LAMA2: variants seen among roughly 807,000 people sequenced by gnomAD.
LAMA2 encodes laminin subunit alpha-2.
A neutral mutation model predicts 364.8 loss-of-function variants in LAMA2; 269 were observed. The observed-to-expected ratio is 0.74, with a 90% CI of 0.67 to 0.82. The LOEUF (loss-of-function observed/expected upper bound fraction) is 0.82, where lower values mean the gene tolerates loss of function less well. Among genes scored for constraint, LAMA2 ranks in the 40% least tolerant of loss-of-function variants. LAMA2 has a pLI of 0.00. For synonymous variants in LAMA2, 1,379 were observed against 1,370.6 expected (o/e 1.01, Z -0.14); for missense variants, 3,807 against 3,873.2 (o/e 0.98, Z 0.45).
In LAMA2 at chr6:128,895,392, G is replaced by A. The variant is rs1776706965; in HGVS notation, c.112+12035G>A. ...TCACGCCTGTAATCCCAGCACTTTG[G>A]GAGGCCGGGGCGGGTGGATCACGAG... On this transcript the variant is annotated intron_variant, in intron 1 of 64. Transcript: ENST00000421865. 2.0e-5 allele frequency among the ~76,000 whole-genome samples: 3 copies of A among 151,582 alleles called. No homozygotes were observed. In the South Asian group the frequency reaches 6.3e-4, roughly 32 times the overall value.
intron 1 of LAMA2, among the ~76,000 whole-genome samples, chr6:129,028,206 A>G (rs115844238): frequency 0.02 from 3,061 of 152,030 alleles, 115 homozygotes; most frequent in African/African-American, 0.07. Flanking sequence ...CACATACACT[A>G]CATACATGCT....
intron 62 of LAMA2, among the ~76,000 whole-genome samples, chr6:129,510,946 A>G (rs1272799450): frequency 2.6e-5 from 4 of 152,308 alleles, no homozygotes; most frequent in Middle Eastern, 6.8e-3. Context: ...GCTTCCCCCA[A>G]GATTTCTGCA....
At chr6:129,093,270 T>A (rs1774959533) in intron 3 of LAMA2, among the ~76,000 whole-genome samples, 3 of 146,978 alleles carry the variant, frequency 2.0e-5, no homozygotes, top group Admixed American at 6.9e-5. Flanking sequence ...ATTACAGGCG[T>A]GAGCCACCGT....
intron 3 of LAMA2, among the ~76,000 whole-genome samples, chr6:129,080,047 G>A (rs1361061020): frequency 6.6e-6 from 1 of 151,936 alleles, no homozygotes; most frequent in African/African-American, 2.4e-5. Flanking sequence ...CTTGTGTCTG[G>A]AATTACAATA....
At chr6:129,225,804 T>C (rs1784214630) in intron 12 of LAMA2, among the ~76,000 whole-genome samples, 2 of 152,226 alleles carry the variant, frequency 1.3e-5, no homozygotes. Context: ...GCAGAATGTA[T>C]ATTCTGTTGA....
chr6:129,249,414 G>A (rs1285084282), intron 12 of LAMA2, among the ~76,000 whole-genome samples: 2 of 152,096 alleles, frequency 1.3e-5, no homozygotes, highest in Non-Finnish European at 2.9e-5. Flanking sequence ...CAAGGTGACT[G>A]TCAATGTCAG....
chr6:129,085,513 A>T lies in LAMA2; in HGVS notation c.397-12660A>T, dbSNP rs1774326501. Among the ~76,000 whole-genome samples, 5 of 152,042 alleles carry T rather than the reference A, an allele frequency of 3.3e-5. No individual in the cohort carries two copies. The South Asian group carries it at 1.0e-3, about 32-fold the overall frequency. ...CTAGTTTGATTAAACTAGACACTTG[A>T]TTTTCTCCAATGGTAACATGTTTTT... On this transcript the variant is annotated intron_variant, in intron 3 of 64. Transcript: ENST00000421865.
chr6:129,510,755 G>A (rs1786508843), intron 62 of LAMA2, among the ~76,000 whole-genome samples: 1 of 152,174 alleles, frequency 6.6e-6, no homozygotes, highest in East Asian at 1.9e-4. Context: ...AAGGCTTCAG[G>A]TGATTTTAAC....
chr6:128,905,653 C>CT (rs1390669524), intron 1 of LAMA2: 1 of 149,928 alleles, frequency 6.7e-6, no homozygotes. Context: ...TATTATTATA[C>CT]TTTAAGTTTT....
chr6:128,943,269 C>CACAGAGAGAG (rs1365657711), intron 1 of LAMA2, among the ~76,000 whole-genome samples: 46 of 143,190 alleles, frequency 3.2e-4, no homozygotes, highest in African/African-American at 9.3e-4. Flanking sequence ...TATATATACA[C>CACAGAGAGAG]AGAGAGAGAG....
intron 6 of LAMA2, among the ~76,000 whole-genome samples, chr6:129,147,769 A>G (rs977974852): frequency 1.3e-5 from 2 of 152,050 alleles, no homozygotes; most frequent in African/African-American, 4.8e-5. Flanking sequence ...TTTCTCAAAT[A>G]TTGTAATGCA....
chr6:128,931,378 G>A (rs961356450), intron 1 of LAMA2, among the ~76,000 whole-genome samples: 7 of 151,986 alleles, frequency 4.6e-5, no homozygotes, highest in African/African-American at 1.7e-4. Flanking sequence ...AAATTCTTTT[G>A]CATAATGCCT....
chr6:129,376,647 C>T (rs2114641273), intron 34 of LAMA2, among the ~76,000 whole-genome samples: 1 of 152,216 alleles, frequency 6.6e-6, no homozygotes, highest in Admixed American at 6.5e-5. Context: ...CAAAGCATTG[C>T]CACACATTTC....
intron 9 of LAMA2, among the ~76,000 whole-genome samples, chr6:129,167,613 A>G (rs1219423972): frequency 6.6e-6 from 1 of 152,108 alleles, no homozygotes; most frequent in Non-Finnish European, 1.5e-5. Flanking sequence ...ATAATGCCGC[A>G]ATAAACATAC....
chr6:129,229,780 G>C (rs1438258575), intron 12 of LAMA2, among the ~76,000 whole-genome samples: 1 of 152,124 alleles, frequency 6.6e-6, no homozygotes, highest in Non-Finnish European at 1.5e-5. Flanking sequence ...AAGAGGAGTT[G>C]AGGATTATTT....
intron 12 of LAMA2, among the ~76,000 whole-genome samples, chr6:129,247,372 G>T (rs982032864): frequency 2.0e-5 from 3 of 152,158 alleles, no homozygotes; most frequent in Non-Finnish European, 4.4e-5. Flanking sequence ...AACTGCTTAA[G>T]CCTGGGAGGA....
At chr6:129,251,210 A>G (rs1212467090) in intron 13 of LAMA2, among the ~76,000 whole-genome samples, 1 of 151,784 alleles carries the variant, frequency 6.6e-6, no homozygotes, top group African/African-American at 2.4e-5. Context: ...AACTAAGACA[A>G]GAAGGATTAC....
intron 40 of LAMA2, 44 bp from the exon 41 acceptor site, chr6:129,427,708 A>G (rs1474020898): frequency 1.4e-6 from 2 of 1,415,200 alleles, no homozygotes; most frequent in Admixed American, 1.7e-5. Flanking sequence ...CCACTCCATT[A>G]TTCTATGGTT....
At chr6:128,916,011 A>C (rs992812424) in intron 1 of LAMA2, among the ~76,000 whole-genome samples, 1 of 152,212 alleles carries the variant, frequency 6.6e-6, no homozygotes, top group African/African-American at 2.4e-5. Flanking sequence ...TGAAATTCAA[A>C]TATTTAATTG....
Sources: gnomAD v4.1 joint callset for allele counts (sites outside exome capture counted in the v4.1 genomes callset) on GRCh38, gnomAD v4.1.1 for gene constraint, MANE v1.5 for transcripts, NCBI Gene and HGNC (gene_info 2026-07-23, HGNC 2026-07-21) for gene names.